The following EML1 variants were observed in gnomAD, a reference collection of about 807,000 sequenced individuals.
The protein encoded by EML1 is echinoderm microtubule-associated protein-like 1.
Under a neutral mutation model 110.4 loss-of-function variants are expected in EML1, and 27 were observed. The ratio of observed to expected loss-of-function variants is 0.24; its 90% CI spans 0.18 to 0.34. The LOEUF is 0.34. Ranked by LOEUF, EML1 falls within the 10% of genes least tolerant of loss-of-function variation. EML1 has a pLI of 1.00. For synonymous variants in EML1, 344 were observed against 385.8 expected, an observed-to-expected ratio of 0.89 and a Z score of 1.27; for missense variants, 741 against 1,030.9, an observed-to-expected ratio of 0.72 and a Z score of 3.85.
At chr14:99,794,625 C>T (rs549707634) in intron 1 of EML1, among the ~76,000 whole-genome samples, 2 of 152,142 alleles carry the variant, frequency 1.3e-5, no homozygotes, top group South Asian at 4.1e-4. Context: ...TGAAATTTAT[C>T]ATCTTGTTCA....
chr14:99,885,631 C>G (rs2059460267), intron 4 of EML1, among the ~76,000 whole-genome samples: 1 of 152,212 alleles, frequency 6.6e-6, no homozygotes, highest in Non-Finnish European at 1.5e-5. Flanking sequence ...ATGTTTCACT[C>G]TTCAAGCCAT....
At chr14:99,883,641 A>T (rs2139956816) in intron 4 of EML1, 1 of 152,192 alleles carries the variant, frequency 6.6e-6, no homozygotes, top group South Asian at 2.1e-4. Flanking sequence ...TTCCACGTGG[A>T]CTTTTATTTG....
rs1566940202 is a variant in EML1 at position 99,923,641 on chromosome 14, C to CGGATACTCAGTTCTGCT, written c.1909+2764_1909+2765insGGATACTCAGTTCTGCT. On this transcript the variant is annotated intron_variant, in intron 17 of 21. Transcript: ENST00000262233. ...TTATTTCCGGATACTCAGTTCTGCC[C>CGGATACTCAGTTCTGCT]CCTTCACCTGTGTTTATCCCCGATT... Among the ~76,000 whole-genome samples, 3 of 52,200 alleles carry CGGATACTCAGTTCTGCT rather than the reference C, an allele frequency of 5.7e-5. 1 individual carries two copies. The African/African-American group carries it at 1.3e-3, about 23-fold the overall frequency. 34.2% of individuals were successfully genotyped at this position (52,200 alleles called of 152,430 possible). A position where few individuals can be genotyped will look rare whatever the true frequency, so the allele number is the denominator to read the frequency against.
intron 1 of EML1, among the ~76,000 whole-genome samples, chr14:99,831,100 G>C (rs554051079): frequency 6.6e-6 from 1 of 152,242 alleles, no homozygotes; most frequent in East Asian, 1.9e-4. Flanking sequence ...ATTTTCAAGT[G>C]TATTTTAAAA....
chr14:99,896,082 G>A (rs958956736), intron 6 of EML1, among the ~76,000 whole-genome samples: 5 of 151,846 alleles, frequency 3.3e-5, no homozygotes, highest in Non-Finnish European at 5.9e-5. Flanking sequence ...TGAATTAATT[G>A]TTGATTATTT....
chr14:99,817,389 G>A lies in EML1; in HGVS notation c.67+23846G>A, dbSNP rs144369374. Among the ~76,000 whole-genome samples the A allele has an allele frequency of 3.0e-4, 46 of 152,286 alleles. No homozygotes were observed. The East Asian group carries it at 5.6e-3, about 19-fold the overall frequency. On this transcript the variant is annotated intron_variant, in intron 1 of 21. Coordinates refer to ENST00000262233, the MANE Select transcript of EML1 (RefSeq NM_004434.3). ...TAATAAAATTAATATTGTTTACAGC[G>A]TCATCAAAGGCCTTTGTATATGAAC... is the stretch of plus-strand genomic sequence containing the variant.
At chr14:99,907,805 C>T in intron 10 of EML1, 72 bp downstream of exon 10, 1 of 1,462,582 alleles carries the variant, frequency 6.8e-7, no homozygotes, top group East Asian at 2.3e-5. Flanking sequence ...TAGTGGTAGC[C>T]CCCTTTCAGC....
intron 1 of EML1, 41 bp from the exon 2 acceptor site, chr14:99,850,812 G>T (rs187309674): frequency 6.3e-7 from 1 of 1,595,536 alleles, no homozygotes; most frequent in African/African-American, 1.3e-5. Flanking sequence ...TCTGATTTCC[G>T]GGGAACACTT....
chr14:99,932,646 T>TAAAA (rs10681463), intron 17 of EML1, among the ~76,000 whole-genome samples: 43 of 134,356 alleles, frequency 3.2e-4, no homozygotes, highest in African/African-American at 1.1e-3. Flanking sequence ...GACTCCATCT[T>TAAAA]AAAAAAAAAA....
chr14:99,842,809 A>T (rs1053864801), intron 1 of EML1, among the ~76,000 whole-genome samples: 5 of 152,186 alleles, frequency 3.3e-5, no homozygotes, highest in Non-Finnish European at 4.4e-5. Flanking sequence ...ATTGATTTGA[A>T]AATGCAAGGT....
chr14:99,928,684 AT>A lies in EML1; in HGVS notation c.1910-7341del, dbSNP rs768324192. Among the ~76,000 whole-genome samples the A allele has an allele frequency of 3.0e-3, 452 of 152,232 alleles. 2 individuals carry two copies. The highest frequency in any genetic ancestry group is 0.014 in the Middle Eastern group (4 of 294). On this transcript the variant is annotated intron_variant, in intron 17 of 21. Transcript: ENST00000262233. ...CTGCTGGTCTCTGTAGGGATCTTCTATTTTATAACCTTATTGACAGCGTCAA... is the reference window on the plus strand; with the variant it reads ...CTGCTGGTCTCTGTAGGGATCTTCTATTTATAACCTTATTGACAGCGTCAA...
upstream of EML1, among the ~76,000 whole-genome samples, chr14:99,770,372 T>A (rs953081187): frequency 7.0e-6 from 1 of 142,624 alleles, no homozygotes; most frequent in African/African-American, 2.8e-5. Flanking sequence ...TTTTAAAAAA[T>A]TTCTTTCTAT....
intron 10 of EML1, 129 bp downstream of exon 10, chr14:99,907,862 A>G (rs1467457899): frequency 2.5e-6 from 2 of 786,948 alleles, no homozygotes. Flanking sequence ...TTCACCTTAG[A>G]ATCGTTTGGC....
intron 4 of EML1, among the ~76,000 whole-genome samples, chr14:99,883,051 G>A (rs1389524117): frequency 2.6e-5 from 4 of 152,024 alleles, no homozygotes; most frequent in African/African-American, 7.2e-5. Context: ...TTTCCTTTAC[G>A]ATAGCATCAC....
intron 1 of EML1, among the ~76,000 whole-genome samples, chr14:99,825,923 C>G (rs1317954895): frequency 6.6e-6 from 1 of 152,098 alleles, no homozygotes; most frequent in East Asian, 1.9e-4. Flanking sequence ...GGACTTTTTA[C>G]AAAGTCTTGC....
rs150831350 is a variant in EML1, at chr14:99,759,851, C to T, written c.28+21991C>T. ...AGACTAGGCCTGGCATGGTGGCTCA[C>T]GCCTGTAATCCCAGCCCTTTGGGAG... is the stretch of plus-strand genomic sequence containing the variant. On this transcript the variant is annotated intron_variant, in intron 1 of 10. Coordinates refer to the EML1 transcript ENST00000554479. Among the ~76,000 whole-genome samples the T allele has an allele frequency of 2.2e-3, 335 of 152,196 alleles. 5 individuals carry two copies. The highest frequency in any genetic ancestry group is 4.3e-4 in the Non-Finnish European group (29 of 68,008).
intron 6 of EML1, among the ~76,000 whole-genome samples, chr14:99,896,585 AT>A (rs532040573): frequency 2.6e-4 from 40 of 152,292 alleles, no homozygotes; most frequent in African/African-American, 8.2e-4. Flanking sequence ...AATAAATGGC[AT>A]TTTTTTGGCC....
chr14:99,898,449 A>G, intron 8 of EML1, 147 bp downstream of exon 8: 1 of 758,242 alleles, frequency 1.3e-6, no homozygotes, highest in Non-Finnish European at 2.0e-6. Flanking sequence ...TTTTTATTGT[A>G]AATTAGAAGA....
At chr14:99,858,437 G>A (rs994323592) in intron 2 of EML1, among the ~76,000 whole-genome samples, 3 of 152,010 alleles carry the variant, frequency 2.0e-5, no homozygotes, top group South Asian at 2.1e-4. Flanking sequence ...CACCCACCTC[G>A]GCCTCCCAAA....
Sources: allele counts gnomAD v4.1 joint callset (sites outside exome capture counted in the v4.1 genomes callset), GRCh38; gene constraint gnomAD v4.1.1; transcripts MANE v1.5; gene names NCBI Gene and HGNC (gene_info 2026-07-23, HGNC 2026-07-21).